HROB: variants seen among roughly 807,000 people sequenced by gnomAD.
The protein encoded by HROB is homologous recombination factor with OB-fold.
Under a neutral mutation model 61.0 loss-of-function variants are expected in HROB, and 44 were observed. The ratio of observed to expected loss-of-function variants is 0.72; its 90% confidence interval spans 0.57 to 0.93. The LOEUF is 0.93. Among genes scored for constraint, HROB ranks in the 40% least tolerant of loss-of-function variants. The pLI is 0.00. For synonymous variants in HROB, 301 were observed against 310.4 expected (o/e 0.97, Z 0.32); for missense variants, 716 against 796.2 (o/e 0.90, Z 1.21).
At chr17:44,155,752 T>C (rs1417337534) in intron 8 of HROB, among the ~76,000 whole-genome samples, 2 of 152,196 alleles carry the variant, frequency 1.3e-5, no homozygotes, top group Non-Finnish European at 2.9e-5. Context: ...TCAGATCTGC[T>C]ACAGGTGGCA....
chr17:44,152,902 G>A (rs1022341690), intron 5 of HROB, 125 bp downstream of exon 5: 34 of 1,230,506 alleles, frequency 2.8e-5, no homozygotes, highest in Non-Finnish European at 3.1e-5. Context: ...GTAGCAGCAC[G>A]AAGCCCCTTT....
At chr17:44,155,254 A>C in intron 7 of HROB, 32 bp from the exon 8 acceptor site, 2 of 1,612,276 alleles carry the variant, frequency 1.2e-6, no homozygotes, top group Non-Finnish European at 1.7e-6. Context: ...GTGCTCCATC[A>C]GGACACTGAC....
chr17:44,151,298 C>A (rs1235349128), intron 4 of HROB, among the ~76,000 whole-genome samples: 1 of 152,094 alleles, frequency 6.6e-6, no homozygotes, highest in Non-Finnish European at 1.5e-5. Context: ...AAATAAAGGC[C>A]CAGCTAGCTC....
chr17:44,161,753 C>A, intron 9 of HROB, 118 bp from the exon 10 acceptor site: 1 of 1,089,694 alleles, frequency 9.2e-7, no homozygotes, highest in Non-Finnish European at 1.4e-6. Context: ...CCTGGAGGAG[C>A]CGCCTGCCCA....
At chr17:44,156,535 T>G (rs2053973959) in intron 8 of HROB, among the ~76,000 whole-genome samples, 1 of 152,126 alleles carries the variant, frequency 6.6e-6, no homozygotes, top group Non-Finnish European at 1.5e-5. Context: ...ATTTTTCTTT[T>G]AAATTTCAAA....
chr17:44,157,401 G>GTTTCTT lies in HROB; in HGVS notation c.1771-428_1771-423dup, dbSNP rs1567723039. 3.5e-3 allele frequency among the ~76,000 whole-genome samples: 373 copies of GTTTCTT among 105,996 alleles called. 26 individuals carry two copies. Among genetic ancestry groups the GTTTCTT allele is most frequent in the East Asian group, 5.2e-3 (17 of 3,294 alleles). The allele number at this position is 105,996 out of a possible 152,430, so 69.5% of individuals were successfully genotyped here. Reference sequence around the variant, plus strand: ...GGCCTCTGCCATACTCTTCCATCATGTTTCTTTTTTTTTTTTTTTTTTTTT... The same window carrying GTTTCTT: ...GGCCTCTGCCATACTCTTCCATCATGTTTCTTTTTCTTTTTTTTTTTTTTTTTTTTT... On this transcript the variant is annotated intron_variant, in intron 8 of 9. Coordinates refer to ENST00000585683, the MANE Select transcript of HROB (RefSeq NM_001171251.3).
Position 44,152,707 on chromosome 17 carries a change from C to T in HROB, c.1379C>T (p.Thr460Met), listed in dbSNP as rs146791155. The T allele has an allele frequency of 2.6e-5, 42 of 1,613,988 alleles. No homozygotes were observed. The highest frequency in any genetic ancestry group is 1.1e-4 in the East Asian group (5 of 44,896). ...GGGCCCTGGCTGACCATGAAATCCACGCTAGGCCTGGATGAGAGAGACCCT... is the reference window on the plus strand; with the variant it reads ...GGGCCCTGGCTGACCATGAAATCCATGCTAGGCCTGGATGAGAGAGACCCT... Reference protein sequence around the residue: ...GRGPWLTMKSTLGLDERDPSC... With the variant: ...GRGPWLTMKSMLGLDERDPSC... The change falls in exon 5 of 10, where the codon ACG becomes ATG. Residue 460 changes from threonine (T) to methionine (M), a missense_variant. By Grantham distance (81) the Thr-to-Met change is moderately conservative. Transcript: ENST00000585683.
At chr17:44,161,779 C>A in intron 9 of HROB, 92 bp from the exon 10 acceptor site, 1 of 1,394,122 alleles carries the variant, frequency 7.2e-7, no homozygotes, top group Non-Finnish European at 1.0e-6. Flanking sequence ...ACAGCCAGGT[C>A]CAGGCCCTCC....
chr17:44,151,747 C>CA (rs1384895327), intron 4 of HROB, among the ~76,000 whole-genome samples: 4 of 152,084 alleles, frequency 2.6e-5, no homozygotes, highest in Non-Finnish European at 1.5e-5. Flanking sequence ...GAGTCTGTTA[C>CA]AAAAAATAAG....
At chr17:44,156,835 G>A (rs112619384) in intron 8 of HROB, among the ~76,000 whole-genome samples, 5,370 of 151,800 alleles carry the variant, frequency 0.035, 154 homozygotes, top group South Asian at 0.13. Flanking sequence ...GCTACTTTTT[G>A]TATTTTTAGT....
At chr17:44,142,241 C>T (rs1337366140) in intron 1 of HROB, 96 bp downstream of exon 1, 1 of 1,362,152 alleles carries the variant, frequency 7.3e-7, no homozygotes, top group Admixed American at 3.3e-5. Flanking sequence ...GCGCAAGTTG[C>T]AGGACCGGGG....
intron 2 of HROB, among the ~76,000 whole-genome samples, chr17:44,145,768 C>CA (rs2053592329): frequency 6.6e-6 from 1 of 152,208 alleles, no homozygotes; most frequent in African/African-American, 2.4e-5. Context: ...AGACTAGATC[C>CA]AAAGCTCGCA....
chr17:44,151,581 G>A (rs969643114), intron 4 of HROB, among the ~76,000 whole-genome samples: 106 of 152,266 alleles, frequency 7.0e-4, no homozygotes, highest in African/African-American at 2.3e-3. Flanking sequence ...ATCCAAAGCA[G>A]CAGATACTCT....
Position 44,154,868 on chromosome 17 carries a change from C to T in HROB, c.1574C>T (p.Thr525Met), listed in dbSNP as rs368496773. The T allele has an allele frequency of 3.8e-5, 61 of 1,613,900 alleles. No individual in the cohort carries two copies. Among genetic ancestry groups the T allele is most frequent in the Non-Finnish European group, 4.6e-5 (54 of 1,180,018 alleles). The part of the protein sequence containing the change: ...FKDPTGEMQG[T>M]VHRLLLETCQ... ...GTATTTGCAGGAGAGATGCAGGGGA[C>T]GGTGCACAGGTTGCTGCTGGAGACG... The change falls in exon 7 of 10, where the codon ACG becomes ATG. Residue 525 changes from threonine (T) to methionine (M), a missense_variant. By Grantham distance (81) the Thr-to-Met change is moderately conservative. Transcript: ENST00000585683.
intron 9 of HROB, among the ~76,000 whole-genome samples, chr17:44,161,261 A>G (rs1332232231): frequency 6.6e-6 from 1 of 151,858 alleles, no homozygotes; most frequent in Admixed American, 6.6e-5. Flanking sequence ...AGCTAACTGG[A>G]GATGCCCTAC....
chr17:44,148,061 G>T lies in HROB; in HGVS notation c.258G>T (p.Thr86=), dbSNP rs747661873. The T allele has an allele frequency of 1.9e-6, 3 of 1,614,102 alleles. No homozygotes were observed. The South Asian group carries it at 3.3e-5, about 18-fold the overall frequency. The part of the protein sequence containing the change: ...DLDLCLPASS[T]PSADSRPSCI... ...ACCTCTGCCTCCCTGCCTCCAGCAC[G>T]CCCAGTGCTGACAGCCGTCCATCAT... Residue 86 remains threonine, a synonymous_variant, in exon 3 of 10, where the codon ACG becomes ACT. Transcript: ENST00000585683.
chr17:44,148,528 C>T lies in HROB; in HGVS notation c.725C>T (p.Pro242Leu). The T allele has an allele frequency of 6.2e-7, 1 of 1,614,110 alleles. No homozygotes were observed. The highest frequency in any genetic ancestry group is 8.5e-7 in the Non-Finnish European group (1 of 1,180,016). Residue 242 changes from proline (P) to leucine (L), a missense_variant, in exon 3 of 10, where the codon CCC becomes CTC. Physicochemically the swap from Pro to Leu is moderately conservative, Grantham distance 98. Coordinates refer to ENST00000585683, the MANE Select transcript of HROB (RefSeq NM_001171251.3). ...PVIQCRTPRP[P>L]LRPGAVGHLP... Reference sequence around the variant, plus strand: ...ATCCAATGTAGGACTCCACGACCCCCCTTGAGACCTGGTGCTGTGGGTCAC... The same window carrying T: ...ATCCAATGTAGGACTCCACGACCCCTCTTGAGACCTGGTGCTGTGGGTCAC...
intron 9 of HROB, among the ~76,000 whole-genome samples, chr17:44,161,618 A>C (rs1397205076): frequency 6.6e-6 from 1 of 152,160 alleles, no homozygotes; most frequent in South Asian, 2.1e-4. Flanking sequence ...GCTCAGGGGA[A>C]TCCTCTTCCT....
At chr17:44,155,486 T>C (rs1598104591) in intron 8 of HROB, 75 bp downstream of exon 8, 1 of 1,581,950 alleles carries the variant, frequency 6.3e-7, no homozygotes, top group Non-Finnish European at 8.6e-7. Context: ...CTTCCTCTCT[T>C]CCACCCTGGG....
Sources: allele counts gnomAD v4.1 joint callset (sites outside exome capture counted in the v4.1 genomes callset), GRCh38; gene constraint gnomAD v4.1.1; transcripts MANE v1.5; gene names NCBI Gene and HGNC (gene_info 2026-07-23, HGNC 2026-07-21).